The following GUCY1A2 variants were observed in gnomAD, a reference collection of about 807,000 sequenced individuals.
GUCY1A2 encodes guanylate cyclase soluble subunit alpha-2.
In GUCY1A2, 27 loss-of-function variants were observed where a neutral mutation model predicts 63.5. The observed-to-expected ratio is 0.43, with a 90% confidence interval of 0.31 to 0.59. GUCY1A2 has a LOEUF of 0.59. Ranked by LOEUF, GUCY1A2 falls within the 20% of genes least tolerant of loss-of-function variation. GUCY1A2 has a pLI of 0.11. For missense variants in GUCY1A2, 768 were observed against 913.3 expected, an observed-to-expected ratio of 0.84 and a Z score of 2.05; for synonymous variants, 364 against 343.5, an observed-to-expected ratio of 1.06 and a Z score of -0.66.
chr11:106,728,992 TATTC>T lies in GUCY1A2; in HGVS notation c.1837-20330_1837-20327del, dbSNP rs200515433. Among the ~76,000 whole-genome samples, 955 of 152,314 alleles carry T rather than the reference TATTC, an allele frequency of 6.3e-3. 7 individuals carry two copies. Among genetic ancestry groups the T allele is most frequent in the African/African-American group, 0.022 (903 of 41,558 alleles). On this transcript the variant is annotated intron_variant, in intron 6 of 7. Transcript: ENST00000526355. ...TCATTTAATATTGATTTATTTCACT[TATTC>T]ATTCATTCACCAAATATTTGTTGAG...
chr11:106,776,975 TC>T (rs1245040754), intron 5 of GUCY1A2, among the ~76,000 whole-genome samples: 1 of 152,218 alleles, frequency 6.6e-6, no homozygotes, highest in African/African-American at 2.4e-5. Flanking sequence ...TCCCAGTTTT[TC>T]CACCTGAAGA....
At chr11:106,693,525 A>G (rs949495242) in intron 7 of GUCY1A2, among the ~76,000 whole-genome samples, 1 of 152,102 alleles carries the variant, frequency 6.6e-6, no homozygotes, top group Non-Finnish European at 1.5e-5. Flanking sequence ...GTAGCAAACT[A>G]TGTCTTTCAG....
intron 4 of GUCY1A2, among the ~76,000 whole-genome samples, chr11:106,935,453 T>C (rs1263275122): frequency 5.3e-5 from 8 of 152,160 alleles, no homozygotes; most frequent in Non-Finnish European, 1.0e-4. Context: ...AACTAATTCT[T>C]GATAACAAGA....
rs1200320488 is a variant in GUCY1A2, at chr11:106,725,537, C to G, written c.1837-16871G>C. Among the ~76,000 whole-genome samples the G allele has an allele frequency of 4.6e-5, 7 of 151,774 alleles. No individual in the cohort carries two copies. In the East Asian group the frequency reaches 1.4e-3, roughly 29 times the overall value. On this transcript the variant is annotated intron_variant, in intron 6 of 7. Coordinates refer to ENST00000526355, the MANE Select transcript of GUCY1A2 (RefSeq NM_000855.3). ...TATTCTAAAATTATCAGAATTATACCAAATAGTTCAATTTAAAAATATATT... is the reference window on the plus strand; with the variant it reads ...TATTCTAAAATTATCAGAATTATACGAAATAGTTCAATTTAAAAATATATT...
chr11:106,795,492 G>C (rs777195430), intron 5 of GUCY1A2, among the ~76,000 whole-genome samples: 3 of 152,152 alleles, frequency 2.0e-5, no homozygotes, highest in Non-Finnish European at 4.4e-5. Flanking sequence ...CTTAAGAACA[G>C]CATTATCTTA....
chr11:106,712,834 T>G (rs1265554785), intron 6 of GUCY1A2, among the ~76,000 whole-genome samples: 2 of 152,196 alleles, frequency 1.3e-5, no homozygotes, highest in African/African-American at 4.8e-5. Flanking sequence ...CCAAGTCCTG[T>G]ATAAGTGCTA....
Position 106,973,881 on chromosome 11 carries a change from G to A in GUCY1A2, c.487+4738C>T, listed in dbSNP as rs530945216. 4.0e-4 allele frequency among the ~76,000 whole-genome samples: 61 copies of A among 152,184 alleles called. 1 individual carries two copies. In the South Asian group the frequency reaches 0.012, roughly 31 times the overall value. ...GTTCCATTTGTTTGTTATATACCAT[G>A]CTGTTCTAAGTATGTACTTGATATA... On this transcript the variant is annotated intron_variant, in intron 3 of 7. Coordinates refer to ENST00000526355, the MANE Select transcript of GUCY1A2 (RefSeq NM_000855.3).
intron 1 of GUCY1A2, among the ~76,000 whole-genome samples, chr11:107,004,851 C>T (rs1037894052): frequency 4.6e-5 from 7 of 152,070 alleles, no homozygotes; most frequent in African/African-American, 1.2e-4. Flanking sequence ...CATGAGGAAC[C>T]GAACAATAGT....
At chr11:106,737,595 G>C (rs183314460) in intron 6 of GUCY1A2, among the ~76,000 whole-genome samples, 1 of 152,164 alleles carries the variant, frequency 6.6e-6, no homozygotes, top group Non-Finnish European at 1.5e-5. Flanking sequence ...TCCCCTCCCT[G>C]TGTCCCTGTG....
intron 6 of GUCY1A2, among the ~76,000 whole-genome samples, chr11:106,754,992 T>C (rs1863948960): frequency 6.6e-6 from 1 of 152,168 alleles, no homozygotes; most frequent in Non-Finnish European, 1.5e-5. Flanking sequence ...CTGGACTTTT[T>C]TTGGTTGGTA....
At chr11:106,717,045 C>T (rs113863659) in intron 6 of GUCY1A2, among the ~76,000 whole-genome samples, 2 of 152,172 alleles carry the variant, frequency 1.3e-5, no homozygotes, top group Admixed American at 1.3e-4. Context: ...ATGGTAATAT[C>T]AATTTTGCAG....
At chr11:106,876,558 A>G (rs1859752153) in intron 4 of GUCY1A2, among the ~76,000 whole-genome samples, 1 of 152,066 alleles carries the variant, frequency 6.6e-6, no homozygotes, top group Non-Finnish European at 1.5e-5. Flanking sequence ...TCTCCTACAA[A>G]TCATACATGA....
chr11:106,777,480 C>T (rs1406405738), intron 5 of GUCY1A2, among the ~76,000 whole-genome samples: 4 of 150,094 alleles, frequency 2.7e-5, no homozygotes, highest in African/African-American at 9.8e-5. Flanking sequence ...CACATATACA[C>T]CATGGAATAC....
intron 4 of GUCY1A2, among the ~76,000 whole-genome samples, chr11:106,833,358 T>C (rs1459385166): frequency 6.6e-6 from 1 of 152,110 alleles, no homozygotes; most frequent in East Asian, 1.9e-4. Context: ...CTCTCCTAAA[T>C]AATCTGTTCA....
chr11:106,799,083 A>G (rs1864821291), intron 5 of GUCY1A2, among the ~76,000 whole-genome samples: 2 of 152,196 alleles, frequency 1.3e-5, no homozygotes, highest in African/African-American at 2.4e-5. Flanking sequence ...TACAAAATCA[A>G]TGTGCAAAAA....
chr11:106,998,339 A>G (rs548744145), intron 1 of GUCY1A2, among the ~76,000 whole-genome samples: 10 of 152,308 alleles, frequency 6.6e-5, no homozygotes, highest in African/African-American at 2.2e-4. Flanking sequence ...CTGCTTACAG[A>G]GGAGAGGAAA....
At chr11:106,861,196 C>A (rs922653213) in intron 4 of GUCY1A2, among the ~76,000 whole-genome samples, 1 of 151,940 alleles carries the variant, frequency 6.6e-6, no homozygotes, top group Non-Finnish European at 1.5e-5. Flanking sequence ...GACCTCATAA[C>A]CCCTTGAAAT....
chr11:106,930,427 C>T (rs1419775706), intron 4 of GUCY1A2, among the ~76,000 whole-genome samples: 1 of 152,174 alleles, frequency 6.6e-6, no homozygotes, highest in African/African-American at 2.4e-5. Context: ...CGGCTTCAAG[C>T]CATTCTACAG....
chr11:106,866,141 G>A (rs909344823), intron 4 of GUCY1A2, among the ~76,000 whole-genome samples: 1 of 151,862 alleles, frequency 6.6e-6, no homozygotes, highest in East Asian at 1.9e-4. Context: ...GAACATCTAG[G>A]AGCTACTTCT....
Sources: gnomAD v4.1 joint callset for allele counts (sites outside exome capture counted in the v4.1 genomes callset) on GRCh38, gnomAD v4.1.1 for gene constraint, MANE v1.5 for transcripts, NCBI Gene and HGNC (gene_info 2026-07-23, HGNC 2026-07-21) for gene names.